The following CNTN3 variants were observed in gnomAD, a reference collection of about 807,000 sequenced individuals.
The protein encoded by CNTN3 is contactin 3, also known as contactin-3.
A neutral mutation model predicts 119.1 loss-of-function variants in CNTN3; 60 were observed. That is an observed-to-expected ratio of 0.50 (90% CI 0.41 to 0.62). The LOEUF (loss-of-function observed/expected upper bound fraction) is 0.62, where lower values mean the gene tolerates loss of function less well. Among genes scored for constraint, CNTN3 ranks in the 20% least tolerant of loss-of-function variants. The pLI, the probability that CNTN3 is intolerant of heterozygous loss-of-function variation, is 0.00. For synonymous variants in CNTN3, 450 were observed against 438.7 expected, an observed-to-expected ratio of 1.03 and a Z score of -0.32; for missense variants, 1,101 against 1,242.4, an observed-to-expected ratio of 0.89 and a Z score of 1.71.
At chr3:74,537,173 G>A (rs1445687156) in intron 1 of CNTN3, among the ~76,000 whole-genome samples, 6 of 151,956 alleles carry the variant, frequency 3.9e-5, no homozygotes, top group South Asian at 2.1e-4. Flanking sequence ...AGAAAAATAT[G>A]CTCTGCTGTG....
Position 74,452,910 on chromosome 3 carries a change from C to T in CNTN3, c.359-27970G>A, listed in dbSNP as rs903563107. 2.2e-4 allele frequency among the ~76,000 whole-genome samples: 33 copies of T among 151,290 alleles called. 1 individual carries two copies. Among genetic ancestry groups the T allele is most frequent in the Admixed American group, 1.8e-3 (28 of 15,172 alleles). On this transcript the variant is annotated intron_variant, in intron 4 of 22. Coordinates refer to ENST00000263665, the MANE Select transcript of CNTN3 (RefSeq NM_020872.3). ...AAGCTTTTTGATGTGCTGCTGGATT[C>T]GGTTTGCCAGTATTTTATTGAGGAT...
chr3:74,400,384 G>A (rs908134306), intron 5 of CNTN3, among the ~76,000 whole-genome samples: 4 of 152,172 alleles, frequency 2.6e-5, no homozygotes, highest in Admixed American at 6.5e-5. Flanking sequence ...AGTTGGGGTC[G>A]TGATAGAAGT....
intron 1 of CNTN3, among the ~76,000 whole-genome samples, chr3:74,594,919 T>C (rs1310704910): frequency 6.6e-6 from 1 of 152,088 alleles, no homozygotes; most frequent in Non-Finnish European, 1.5e-5. Context: ...ACCAACAGTG[T>C]CAAAGTGTTC....
chr3:74,515,401 T>G (rs1703433690), intron 2 of CNTN3, among the ~76,000 whole-genome samples: 2 of 152,022 alleles, frequency 1.3e-5, no homozygotes, highest in Non-Finnish European at 2.9e-5. Context: ...CTTTCCACAC[T>G]GGTGAGCATT....
chr3:74,485,125 A>G (rs980843077), intron 4 of CNTN3, among the ~76,000 whole-genome samples: 3 of 151,684 alleles, frequency 2.0e-5, no homozygotes, highest in African/African-American at 7.3e-5. Flanking sequence ...ATATATTTAT[A>G]CATATCCAAA....
At chr3:74,493,755 C>T (rs114630363) in intron 3 of CNTN3, among the ~76,000 whole-genome samples, 2,264 of 152,120 alleles carry the variant, frequency 0.015, 48 homozygotes, top group African/African-American at 0.052. Flanking sequence ...TTGCAGCCTT[C>T]GAAAGAATGA....
chr3:74,272,658 C>T (rs1209395539), intron 20 of CNTN3, among the ~76,000 whole-genome samples: 2 of 152,122 alleles, frequency 1.3e-5, no homozygotes, highest in African/African-American at 4.8e-5. Flanking sequence ...GAAAAGCCAA[C>T]AAATAGCATT....
At chr3:74,446,569 A>T in intron 4 of CNTN3, among the ~76,000 whole-genome samples, 1 of 152,146 alleles carries the variant, frequency 6.6e-6, no homozygotes, top group East Asian at 1.9e-4. Flanking sequence ...AAAACACAAA[A>T]TGGATTTCAA....
In CNTN3 at chr3:74,336,618, C is replaced by T. The variant is rs1703402370; in HGVS notation, c.1405G>A (p.Val469Met). ...LNDGGLKIAN[V>M]TKADAGTYTC... ...TAAGTTCCAGCATCAGCTTTAGTCA[C>T]ATTGGCTATTTTGAGTCCTCCATCG... The change falls in exon 12 of 23, where the codon GTG (valine) becomes ATG (methionine). Residue 469 changes from valine to methionine, a missense_variant. Transcript: ENST00000263665. The T allele has an allele frequency of 6.2e-7, 1 of 1,611,524 alleles. No homozygotes were observed. The highest frequency in any genetic ancestry group is 8.5e-7 in the Non-Finnish European group (1 of 1,178,218).
intron 1 of CNTN3, among the ~76,000 whole-genome samples, chr3:74,557,673 G>A (rs1030681723): frequency 6.7e-6 from 1 of 148,584 alleles, no homozygotes; most frequent in Non-Finnish European, 1.5e-5. Flanking sequence ...TAAGTTTTAT[G>A]CCATAATTTC....
chr3:74,339,326 T>G (rs551650105), intron 11 of CNTN3, among the ~76,000 whole-genome samples: 1 of 152,198 alleles, frequency 6.6e-6, no homozygotes, highest in East Asian at 1.9e-4. Context: ...CTCTCTAACT[T>G]CATATGACTT....
intron 1 of CNTN3, among the ~76,000 whole-genome samples, chr3:74,548,193 G>T (rs889305936): frequency 4.6e-5 from 7 of 152,052 alleles, no homozygotes; most frequent in African/African-American, 7.2e-5. Flanking sequence ...CAATCTAATT[G>T]TCTATTTTTA....
intron 4 of CNTN3, among the ~76,000 whole-genome samples, chr3:74,449,684 C>T (rs1179830167): frequency 6.6e-6 from 1 of 152,110 alleles, no homozygotes; most frequent in Non-Finnish European, 1.5e-5. Flanking sequence ...TGCACCTCAG[C>T]TTTCATTAAA....
At chr3:74,496,946 C>T (rs771637644) in intron 3 of CNTN3, among the ~76,000 whole-genome samples, 13 of 151,918 alleles carry the variant, frequency 8.6e-5, no homozygotes, top group South Asian at 4.1e-4. Flanking sequence ...GACAAGTTGG[C>T]ATCAGTCTAT....
chr3:74,455,313 A>C (rs1302634040), intron 4 of CNTN3, among the ~76,000 whole-genome samples: 1 of 151,678 alleles, frequency 6.6e-6, no homozygotes, highest in Non-Finnish European at 1.5e-5. Context: ...GAGGCTTCTG[A>C]ATTTTTCACG....
chr3:74,584,299 C>T (rs1416746418), intron 1 of CNTN3, among the ~76,000 whole-genome samples: 1 of 152,066 alleles, frequency 6.6e-6, no homozygotes, highest in South Asian at 2.1e-4. Context: ...TATAGGAAAA[C>T]AGCATGTCCA....
intron 2 of CNTN3, among the ~76,000 whole-genome samples, chr3:74,500,252 G>A (rs1161859423): frequency 1.3e-5 from 2 of 151,868 alleles, no homozygotes; most frequent in Non-Finnish European, 2.9e-5. Context: ...ATATTTTGGT[G>A]GGATGTCCAT....
chr3:74,303,550 G>A (rs983087744), intron 13 of CNTN3, among the ~76,000 whole-genome samples: 6 of 152,022 alleles, frequency 3.9e-5, no homozygotes, highest in Non-Finnish European at 7.4e-5. Context: ...AAAATTAGCT[G>A]GGTGTGGTGG....
rs1203375875 is a variant in CNTN3 at position 74,266,556 on chromosome 3, T to C, written c.2911A>G (p.Ile971Val). 1 of 1,613,578 alleles carries C rather than the reference T, an allele frequency of 6.2e-7. No individual in the cohort carries two copies. The highest frequency in any genetic ancestry group is 1.7e-5 in the Admixed American group (1 of 59,978). ...TCTGTTGTGGCCTTGACTTCAATAA[T>C]GTAGTCCTCTTTAATGGGCAGCACA... The part of the protein sequence containing the change: ...ELVLPIKEDY[I>V]IEVKATTDGG... Residue 971 changes from isoleucine (I) to valine (V), a missense_variant, in exon 22 of 23, where the codon ATT (isoleucine) becomes GTT (valine). Coordinates refer to ENST00000263665, the MANE Select transcript of CNTN3 (RefSeq NM_020872.3).
Sources: gnomAD v4.1 joint callset for allele counts (sites outside exome capture counted in the v4.1 genomes callset) on GRCh38, gnomAD v4.1.1 for gene constraint, MANE v1.5 for transcripts, NCBI Gene and HGNC (gene_info 2026-07-23, HGNC 2026-07-21) for gene names.